The following NXPE2 variants were observed in gnomAD, a reference collection of about 807,000 sequenced individuals.
NXPE2 encodes the protein NXPE family member 2.
Under a neutral mutation model 34.4 loss-of-function variants are expected in NXPE2, and 34 were observed. That is an observed-to-expected ratio of 0.99 (90% CI 0.75 to 1.31). The LOEUF (loss-of-function observed/expected upper bound fraction) is 1.31. Ranked by LOEUF, NXPE2 falls within the 40% of genes most tolerant of loss-of-function variation. The pLI, the probability that NXPE2 is intolerant of heterozygous loss-of-function variation, is 0.00. For synonymous variants in NXPE2, 235 were observed against 231.3 expected (o/e 1.02, Z -0.15); for missense variants, 649 against 672.5 (o/e 0.97, Z 0.39).
chr11:114,619,688 A>C, the NXPE2 span, among the ~76,000 whole-genome samples: 1 of 151,180 alleles, frequency 6.6e-6, no homozygotes, highest in South Asian at 2.1e-4. Flanking sequence ...ACTGTTTCCC[A>C]GTGGATAATA....
intron 3 of NXPE2, among the ~76,000 whole-genome samples, chr11:114,699,686 C>T (rs1517691): frequency 0.38 from 57,173 of 151,966 alleles, 11,726 homozygotes; most frequent in South Asian, 0.48. Flanking sequence ...TTTGTTCTTC[C>T]GCAACATAAT....
chr11:114,487,084 G>C, the NXPE2 span, among the ~76,000 whole-genome samples: 1 of 151,882 alleles, frequency 6.6e-6, no homozygotes, highest in African/African-American at 2.4e-5. Context: ...AGATTGCTTT[G>C]GGCAGTATGG....
At chr11:114,538,522 C>T in the NXPE2 span, among the ~76,000 whole-genome samples, 2 of 152,122 alleles carry the variant, frequency 1.3e-5, no homozygotes, top group African/African-American at 4.8e-5. Flanking sequence ...ATTTTTGCAA[C>T]CTACTCATCT....
At chr11:114,733,135 C>G in the NXPE2 span, among the ~76,000 whole-genome samples, 1 of 152,112 alleles carries the variant, frequency 6.6e-6, no homozygotes, top group Admixed American at 6.5e-5. Flanking sequence ...CTCGCTCTGT[C>G]ACCCAGGCTG....
chr11:114,608,526 C>T, the NXPE2 span, among the ~76,000 whole-genome samples: 1 of 151,928 alleles, frequency 6.6e-6, no homozygotes, highest in African/African-American at 2.4e-5. Flanking sequence ...CGTGGGTAAG[C>T]ACTGTTACCC....
the NXPE2 span, among the ~76,000 whole-genome samples, chr11:114,783,383 G>A: frequency 1.3e-5 from 2 of 152,106 alleles, no homozygotes; most frequent in Non-Finnish European, 2.9e-5. Context: ...TGACATGTAT[G>A]AGCCCCAAAT....
chr11:114,588,685 T>C, the NXPE2 span, among the ~76,000 whole-genome samples: 3 of 152,156 alleles, frequency 2.0e-5, no homozygotes, highest in Admixed American at 6.5e-5. Flanking sequence ...AATGTGCATA[T>C]TGGGGGGCCT....
the NXPE2 span, among the ~76,000 whole-genome samples, chr11:114,794,748 A>T: frequency 6.6e-6 from 1 of 152,082 alleles, no homozygotes; most frequent in African/African-American, 2.4e-5. Context: ...GGAATCTTTA[A>T]ATTAGGGGAT....
chr11:114,715,674 T>C, the NXPE2 span, among the ~76,000 whole-genome samples: 4 of 152,200 alleles, frequency 2.6e-5, no homozygotes, highest in Admixed American at 2.6e-4. Context: ...AAGCAATTTT[T>C]ATGAAAAATA....
At chr11:114,679,349 T>C (rs1950908020) in intron 1 of NXPE2, among the ~76,000 whole-genome samples, 1 of 151,688 alleles carries the variant, frequency 6.6e-6, no homozygotes, top group Admixed American at 6.6e-5. Flanking sequence ...TTTTTTCTGG[T>C]AAATAATCTA....
the NXPE2 span, among the ~76,000 whole-genome samples, chr11:114,597,605 C>T: frequency 3.3e-5 from 5 of 152,206 alleles, no homozygotes; most frequent in African/African-American, 1.2e-4. Flanking sequence ...CACCTAGTGC[C>T]TAGACCTTGG....
the NXPE2 span, among the ~76,000 whole-genome samples, chr11:114,762,747 TG>T: frequency 6.6e-6 from 1 of 152,300 alleles, no homozygotes; most frequent in Non-Finnish European, 1.5e-5. Context: ...TCAGGCCTTC[TG>T]AGGTCATTTC....
chr11:114,537,996 G>A, the NXPE2 span, among the ~76,000 whole-genome samples: 1 of 152,160 alleles, frequency 6.6e-6, no homozygotes, highest in Non-Finnish European at 1.5e-5. Flanking sequence ...AAAGAACAAA[G>A]CTGGAGGCAT....
the NXPE2 span, among the ~76,000 whole-genome samples, chr11:114,532,047 T>G: frequency 6.6e-6 from 1 of 152,200 alleles, no homozygotes; most frequent in Non-Finnish European, 1.5e-5. Flanking sequence ...GATTTGAGAA[T>G]GATTACAGAC....
the NXPE2 span, among the ~76,000 whole-genome samples, chr11:114,809,292 G>T: frequency 9.2e-3 from 1,394 of 152,028 alleles, 27 homozygotes; most frequent in African/African-American, 0.032. Flanking sequence ...ACAAGACAGG[G>T]ATGCCCTCTC....
chr11:114,710,854 G>A (rs187185190), downstream of NXPE2, among the ~76,000 whole-genome samples: 72 of 152,038 alleles, frequency 4.7e-4, no homozygotes, highest in African/African-American at 1.6e-3. Flanking sequence ...AGGAATACTA[G>A]TAAACCAAAT....
chr11:114,633,157 A>G, the NXPE2 span, among the ~76,000 whole-genome samples: 1 of 126,178 alleles, frequency 7.9e-6, no homozygotes, highest in Non-Finnish European at 1.6e-5. Flanking sequence ...TATATTTGGT[A>G]TTTTATTTTA....
At chr11:114,603,308 A>G in the NXPE2 span, among the ~76,000 whole-genome samples, 2 of 150,018 alleles carry the variant, frequency 1.3e-5, no homozygotes, top group East Asian at 2.0e-4. Context: ...GGTAACACCT[A>G]TTACCTGGTG....
At chr11:114,581,743 T>C in the NXPE2 span, 1 of 1,612,128 alleles carries the variant, frequency 6.2e-7, no homozygotes, top group African/African-American at 1.3e-5. Context: ...TTGGAGACAC[T>C]AATTGTATTG....
Sources: allele counts gnomAD v4.1 joint callset (sites outside exome capture counted in the v4.1 genomes callset), GRCh38; gene constraint gnomAD v4.1.1; transcripts MANE v1.5; gene names NCBI Gene and HGNC (gene_info 2026-07-23, HGNC 2026-07-21).